C18orf54: variants seen among roughly 807,000 people sequenced by gnomAD.
The protein encoded by C18orf54 is lung adenoma susceptibility protein 2.
Under a neutral mutation model 49.3 loss-of-function variants are expected in C18orf54, and 49 were observed. That is an observed-to-expected ratio of 0.99 (90% CI 0.79 to 1.26). The LOEUF (loss-of-function observed/expected upper bound fraction) is 1.26. Among genes scored for constraint, C18orf54 ranks in the 50% most tolerant of loss-of-function variants. C18orf54 has a pLI of 0.00. For synonymous variants in C18orf54, 211 were observed against 216.6 expected, an observed-to-expected ratio of 0.97 and a Z score of 0.23; for missense variants, 687 against 620.6, an observed-to-expected ratio of 1.11 and a Z score of -1.14.
chr18:54,358,742 T>G (rs1032543528), intron 1 of C18orf54, 32 bp from the exon 2 acceptor site: 8 of 152,264 alleles, frequency 5.3e-5, no homozygotes, highest in Admixed American at 5.2e-4. Flanking sequence ...CATTGGCTAT[T>G]TAACACTGAA....
chr18:54,374,495 G>A (rs2089538765), intron 8 of C18orf54, among the ~76,000 whole-genome samples: 1 of 151,738 alleles, frequency 6.6e-6, no homozygotes, highest in South Asian at 2.1e-4. Flanking sequence ...TAATGAGATA[G>A]CCTTAGACCT....
chr18:54,362,362 G>T lies in C18orf54; in HGVS notation c.1003G>T (p.Asp335Tyr). ...AGAATTAGTTAATGAATACAAATGT[G>T]ATTTTGAACATAGCCAGTGTCAATG... ...DKELVNEYKC[D>Y]FEHSQCQCEN... Residue 335 changes from aspartate to tyrosine, a missense_variant, in exon 4 of 9, where the codon GAT becomes TAT. Coordinates refer to ENST00000620105, the MANE Select transcript of C18orf54 (RefSeq NM_001288980.2). The T allele has an allele frequency of 1.3e-6, 2 of 1,535,634 alleles. No homozygotes were observed. The highest frequency in any genetic ancestry group is 2.4e-5 in the South Asian group (2 of 83,960).
At chr18:54,375,314 G>C (rs1181806974) in intron 8 of C18orf54, among the ~76,000 whole-genome samples, 4 of 151,540 alleles carry the variant, frequency 2.6e-5, no homozygotes, top group African/African-American at 7.3e-5. Flanking sequence ...AATAGGCATG[G>C]AGTAGTAAAG....
intron 8 of C18orf54, 96 bp from the exon 9 acceptor site, chr18:54,378,078 A>G: frequency 1.3e-6 from 1 of 741,180 alleles, no homozygotes; most frequent in Non-Finnish European, 2.0e-6. Context: ...CCAATTTTGA[A>G]GTTAATAGTC....
At chr18:54,372,391 A>G in intron 6 of C18orf54, 75 bp from the exon 7 acceptor site, 1 of 1,271,844 alleles carries the variant, frequency 7.9e-7, no homozygotes, top group East Asian at 2.7e-5. Flanking sequence ...TATTGGGGAA[A>G]TTAATACAAA....
intron 5 of C18orf54, among the ~76,000 whole-genome samples, chr18:54,364,487 G>T (rs566996383): frequency 6.6e-6 from 1 of 152,040 alleles, no homozygotes; most frequent in African/African-American, 2.4e-5. Context: ...TAAAACTAAG[G>T]GTGAATTGCT....
At position 54,381,711 on chromosome 18, in the gene C18orf54, C is replaced by G. The variant is rs561816843; in HGVS notation, c.*3465C>G. 1 of 152,232 alleles carries G rather than the reference C, an allele frequency of 6.6e-6. No homozygotes were observed. Among genetic ancestry groups the G allele is most frequent in the African/African-American group, 2.4e-5 (1 of 41,450 alleles). 9.4% of individuals were successfully genotyped at this position (152,232 alleles called of 1,614,324 possible). A position where few individuals can be genotyped will look rare whatever the true frequency, so the allele number is the denominator to read the frequency against. On this transcript the variant is annotated 3_prime_UTR_variant, in exon 9 of 9. Transcript: ENST00000620105. ...GTATTTTATTTCGTCCCTAAACATT[C>G]TAACTATCCACCAAACTGGTAAGTT...
Position 54,362,174 on chromosome 18 carries a change from C to G in C18orf54, c.815C>G (p.Pro272Arg), listed in dbSNP as rs1031883327. ...PVWLHNQDLLPDANSQRVYQI... is the reference protein window; with the variant it reads ...PVWLHNQDLLRDANSQRVYQI... Reference sequence around the variant, plus strand: ...TGGCTGCACAATCAAGACTTGCTACCTGATGCAAATAGTCAAAGGGTTTAT... The same window carrying G: ...TGGCTGCACAATCAAGACTTGCTACGTGATGCAAATAGTCAAAGGGTTTAT... Residue 272 changes from proline (P) to arginine (R), a missense_variant, in exon 4 of 9, where the codon CCT (proline) becomes CGT (arginine). Coordinates refer to ENST00000620105, the MANE Select transcript of C18orf54 (RefSeq NM_001288980.2). The G allele has an allele frequency of 6.5e-7, 1 of 1,536,022 alleles. No homozygotes were observed. The highest frequency in any genetic ancestry group is 1.4e-5 in the African/African-American group (1 of 73,010).
intron 8 of C18orf54, among the ~76,000 whole-genome samples, chr18:54,375,009 T>C (rs529081174): frequency 3.3e-5 from 5 of 152,132 alleles, no homozygotes; most frequent in African/African-American, 1.2e-4. Context: ...CGAATCTAAT[T>C]GTCACAAATG....
chr18:54,362,776 A>C lies in C18orf54; in HGVS notation c.1078A>C (p.Lys360Gln), dbSNP rs2089298286. ...GQSTKPFSGDKIELLILKAKR... is the reference protein window; with the variant it reads ...GQSTKPFSGDQIELLILKAKR... ...TAGTCATCTTTTACAATTAGGTGAC[A>C]AAATTGAATTGCTTATCTTGAAGGC... is the stretch of plus-strand genomic sequence containing the variant. The change falls in exon 5 of 9, where the codon AAA becomes CAA. Residue 360 changes from lysine (K) to glutamine (Q), a missense_variant. Coordinates refer to ENST00000620105, the MANE Select transcript of C18orf54 (RefSeq NM_001288980.2). 8 of 1,603,006 alleles carry C rather than the reference A, an allele frequency of 5.0e-6. No individual in the cohort carries two copies. The African/African-American group carries it at 6.7e-5, about 13-fold the overall frequency.
At chr18:54,377,471 A>G (rs1305687864) in intron 8 of C18orf54, among the ~76,000 whole-genome samples, 1 of 152,288 alleles carries the variant, frequency 6.6e-6, no homozygotes, top group Middle Eastern at 3.4e-3. Context: ...CAGGAACTGA[A>G]ATATAGGGGA....
rs2089641657 is a variant in C18orf54, at chr18:54,380,111, A to C, written c.*1865A>C. ...CAAAATGATTCATTCCAACCTTCTT[A>C]TAAGAAATATCTAGGAGAGTCAAGT... On this transcript the variant is annotated 3_prime_UTR_variant, in exon 9 of 9. Transcript: ENST00000620105. The C allele has an allele frequency of 6.6e-6, 1 of 152,054 alleles. No homozygotes were observed. Among genetic ancestry groups the C allele is most frequent in the Non-Finnish European group, 1.5e-5 (1 of 67,900 alleles). 9.4% of individuals were successfully genotyped at this position (152,054 alleles called of 1,614,324 possible).
intron 5 of C18orf54, among the ~76,000 whole-genome samples, chr18:54,363,605 C>T (rs1413872495): frequency 3.9e-5 from 6 of 152,270 alleles, no homozygotes; most frequent in East Asian, 1.9e-4. Flanking sequence ...CTTGAGCCAC[C>T]GTGCCCGGCC....
Position 54,378,631 on chromosome 18 carries a change from C to T in C18orf54, c.*385C>T, listed in dbSNP as rs2089615550. The T allele has an allele frequency of 6.4e-6, 1 of 155,326 alleles. No individual in the cohort carries two copies. The highest frequency in any genetic ancestry group is 2.4e-5 in the African/African-American group (1 of 41,524). 9.6% of individuals were successfully genotyped at this position (155,326 alleles called of 1,614,324 possible). A position where few individuals can be genotyped will look rare whatever the true frequency, so the allele number is the denominator to read the frequency against. On this transcript the variant is annotated 3_prime_UTR_variant, in exon 9 of 9. Transcript: ENST00000620105. ...ATTAAGAAACTTACTGGTTTTTATC[C>T]AAAATCTTTTACGTTAAATAGACTT...
chr18:54,373,083 A>G (rs887117120), intron 7 of C18orf54, among the ~76,000 whole-genome samples: 2 of 151,602 alleles, frequency 1.3e-5, no homozygotes, highest in African/African-American at 4.8e-5. Flanking sequence ...TTATTTTTTC[A>G]ATTTGTGTAT....
At position 54,374,219 on chromosome 18, in the gene C18orf54, A is replaced by C. The variant is rs763521038; in HGVS notation, c.1464A>C (p.Ser488=). ...TTTGGTGTTTTTAATAATAGGTTTC[A>C]GAAGATGATTTCTCTAAATTACAGT... The part of the protein sequence containing the change: ...TDPKEEIKQV[S]EDDFSKLQLK... Residue 488 remains serine, a synonymous_variant, in exon 8 of 9, where the codon TCA becomes TCC. Transcript: ENST00000620105. 2 of 1,575,220 alleles carry C rather than the reference A, an allele frequency of 1.3e-6. No individual in the cohort carries two copies. Among genetic ancestry groups the C allele is most frequent in the African/African-American group, 2.7e-5 (2 of 73,780 alleles).
At position 54,358,731 on chromosome 18, in the gene C18orf54, C is replaced by T. The variant is rs189017884; in HGVS notation, c.-143-43C>T. On this transcript the variant is annotated intron_variant, in intron 1 of 8. Coordinates refer to ENST00000620105, the MANE Select transcript of C18orf54 (RefSeq NM_001288980.2). ...GTTCTTAATTTCCTGTGCGATATTC[C>T]CATTGGCTATTTAACACTGAACATT... 3 of 152,332 alleles carry T rather than the reference C, an allele frequency of 2.0e-5. No homozygotes were observed. The East Asian group carries it at 5.8e-4, about 29-fold the overall frequency. 9.4% of individuals were successfully genotyped at this position (152,332 alleles called of 1,614,324 possible). A position where few individuals can be genotyped will look rare whatever the true frequency, so the allele number is the denominator to read the frequency against.
In C18orf54 at chr18:54,362,302, C is replaced by T. The variant is rs776770829; in HGVS notation, c.943C>T (p.Pro315Ser). The T allele has an allele frequency of 2.6e-6, 4 of 1,536,110 alleles. No individual in the cohort carries two copies. Among genetic ancestry groups the T allele is most frequent in the Admixed American group, 3.9e-5 (2 of 50,978 alleles). The part of the protein sequence containing the change: ...KLDCFEYAFE[P>S]SNFSNSLSDD... ...AGATTGTTTTGAATATGCTTTTGAA[C>T]CCTCAAACTTTTCAAATTCCTTGAG... Residue 315 changes from proline to serine, a missense_variant, in exon 4 of 9, where the codon CCC (proline) becomes TCC (serine). Pro to Ser is a moderately conservative substitution (Grantham distance 74). Transcript: ENST00000620105.
At chr18:54,358,577 G>C (rs985258566) in intron 1 of C18orf54, 197 bp from the exon 2 acceptor site, 7 of 152,252 alleles carry the variant, frequency 4.6e-5, no homozygotes, top group Admixed American at 3.9e-4. Context: ...CCCGGGGTAG[G>C]GGAACGATGC....
Sources: gnomAD v4.1 joint callset for allele counts (sites outside exome capture counted in the v4.1 genomes callset) on GRCh38, gnomAD v4.1.1 for gene constraint, MANE v1.5 for transcripts, NCBI Gene and HGNC (gene_info 2026-07-23, HGNC 2026-07-21) for gene names.